The following TMPRSS15 variants were observed in gnomAD, a reference collection of about 807,000 sequenced individuals.
TMPRSS15 encodes transmembrane serine protease 15, also known as enteropeptidase.
TMPRSS15 carries 128 observed loss-of-function variants against 125.3 expected under a neutral mutation model. The observed-to-expected ratio is 1.02, with a 90% confidence interval of 0.89 to 1.18. TMPRSS15 has a LOEUF of 1.18. TMPRSS15 is among the 50% of genes most tolerant of loss of function. The pLI, the probability that TMPRSS15 is intolerant of heterozygous loss-of-function variation, is 0.00. For missense variants in TMPRSS15, 1,283 were observed against 1,212.7 expected (o/e 1.06, Z -0.86); for synonymous variants, 446 against 423.2 (o/e 1.05, Z -0.66).
chr21:18,339,378 T>TA (rs2075425058), intron 13 of TMPRSS15, among the ~76,000 whole-genome samples: 1 of 152,160 alleles, frequency 6.6e-6, no homozygotes. Context: ...TAAATACCCA[T>TA]AATTAACCTT....
intron 1 of TMPRSS15, among the ~76,000 whole-genome samples, chr21:18,467,153 A>G (rs1978681041): frequency 6.6e-6 from 1 of 152,064 alleles, no homozygotes; most frequent in African/African-American, 2.4e-5. Context: ...GCAAACTAAC[A>G]CAGGAACAGA....
intron 3 of TMPRSS15, among the ~76,000 whole-genome samples, chr21:18,393,524 C>T (rs1397155205): frequency 6.6e-6 from 1 of 152,054 alleles, no homozygotes; most frequent in East Asian, 1.9e-4. Context: ...TTTCTTTAGT[C>T]TGTGAGCATT....
At chr21:18,449,592 T>C (rs2066747610) in intron 1 of TMPRSS15, among the ~76,000 whole-genome samples, 1 of 152,184 alleles carries the variant, frequency 6.6e-6, no homozygotes, top group Non-Finnish European at 1.5e-5. Context: ...AACCTCCTTC[T>C]GTAGGCATTT....
intron 13 of TMPRSS15, among the ~76,000 whole-genome samples, chr21:18,332,406 G>A (rs562470135): frequency 7.2e-5 from 11 of 152,000 alleles, no homozygotes; most frequent in South Asian, 2.1e-4. Flanking sequence ...ATTGTTGGCC[G>A]CATGTATGTC....
intron 21 of TMPRSS15, among the ~76,000 whole-genome samples, chr21:18,282,331 T>A (rs1245902103): frequency 2.6e-5 from 4 of 152,094 alleles, no homozygotes; most frequent in Non-Finnish European, 5.9e-5. Context: ...CACAAAGGAA[T>A]TATCAGCTGG....
chr21:18,355,159 C>A lies in TMPRSS15; in HGVS notation c.881-1296G>T, dbSNP rs563315032. Among the ~76,000 whole-genome samples, 10 of 151,938 alleles carry A rather than the reference C, an allele frequency of 6.6e-5. No homozygotes were observed. The East Asian group carries it at 1.5e-3, about 24-fold the overall frequency. ...ATTTTAATACTTCTCATACTGAAAA[C>A]CTTTGGAGTTCATAAGTGTTAGTCA... On this transcript the variant is annotated intron_variant, in intron 8 of 24. Coordinates refer to ENST00000284885, the MANE Select transcript of TMPRSS15 (RefSeq NM_002772.3).
At chr21:18,352,604 A>G (rs911040811) in intron 10 of TMPRSS15, among the ~76,000 whole-genome samples, 2 of 151,972 alleles carry the variant, frequency 1.3e-5, no homozygotes, top group Non-Finnish European at 2.9e-5. Flanking sequence ...ACTCAAATCT[A>G]CTTAGTTAAT....
chr21:18,295,030 G>A (rs1172613290), intron 19 of TMPRSS15, among the ~76,000 whole-genome samples: 3 of 152,272 alleles, frequency 2.0e-5, no homozygotes, highest in African/African-American at 7.2e-5. Context: ...ATATTGTTAT[G>A]TTACTTGAAC....
At chr21:18,354,609 T>C (rs2075606074) in intron 8 of TMPRSS15, among the ~76,000 whole-genome samples, 1 of 151,592 alleles carries the variant, frequency 6.6e-6, no homozygotes, top group Non-Finnish European at 1.5e-5. Flanking sequence ...AGAAAAACAG[T>C]TTTAATTTTT....
At chr21:18,336,131 G>A (rs889186143) in intron 13 of TMPRSS15, among the ~76,000 whole-genome samples, 3 of 152,014 alleles carry the variant, frequency 2.0e-5, no homozygotes, top group Admixed American at 6.6e-5. Flanking sequence ...TCTGATGTCC[G>A]TGAAATGTGT....
At chr21:18,321,585 T>A (rs1013291493) in intron 16 of TMPRSS15, among the ~76,000 whole-genome samples, 7 of 152,038 alleles carry the variant, frequency 4.6e-5, no homozygotes, top group African/African-American at 1.4e-4. Flanking sequence ...ATCTCCTGCC[T>A]CTCGATCCGC....
chr21:18,319,631 G>A (rs2075213617), intron 16 of TMPRSS15, among the ~76,000 whole-genome samples: 1 of 152,202 alleles, frequency 6.6e-6, no homozygotes, highest in Middle Eastern at 3.4e-3. Context: ...TTTTCTCAAT[G>A]TTGGTCAGGC....
chr21:18,310,172 C>T (rs1422378609), intron 18 of TMPRSS15, among the ~76,000 whole-genome samples: 1 of 152,130 alleles, frequency 6.6e-6, no homozygotes, highest in African/African-American at 2.4e-5. Flanking sequence ...TACCTACTCT[C>T]ACCACTCTTA....
intron 24 of TMPRSS15, among the ~76,000 whole-genome samples, chr21:18,271,455 G>T (rs2074554826): frequency 1.3e-5 from 2 of 152,172 alleles, no homozygotes; most frequent in African/African-American, 4.8e-5. Flanking sequence ...GTTACTCAAG[G>T]ATCCTGCGGC....
At chr21:18,366,270 G>C (rs568375764) in intron 6 of TMPRSS15, among the ~76,000 whole-genome samples, 30 of 152,296 alleles carry the variant, frequency 2.0e-4, no homozygotes, top group African/African-American at 7.2e-4. Context: ...GTTAGTACTA[G>C]TGGCCTATAC....
At chr21:18,324,550 T>C (rs2075270672) in intron 16 of TMPRSS15, among the ~76,000 whole-genome samples, 1 of 152,180 alleles carries the variant, frequency 6.6e-6, no homozygotes, top group Non-Finnish European at 1.5e-5. Context: ...TATTGTAACG[T>C]CACTTGTGGG....
chr21:18,319,198 C>T, intron 16 of TMPRSS15, among the ~76,000 whole-genome samples: 1 of 151,958 alleles, frequency 6.6e-6, no homozygotes, highest in East Asian at 1.9e-4. Flanking sequence ...GCAATTTAGC[C>T]ATTTCTTTTA....
chr21:18,459,400 A>T (rs1978508086), intron 1 of TMPRSS15, among the ~76,000 whole-genome samples: 1 of 151,840 alleles, frequency 6.6e-6, no homozygotes, highest in South Asian at 2.1e-4. Context: ...CAGCCTCTCG[A>T]GTAGCTGGGA....
Position 18,352,942 on chromosome 21 carries a change from T to C in TMPRSS15, c.1132A>G (p.Thr378Ala). 6.2e-7 allele frequency: 1 copy of C among 1,612,420 alleles called. No individual in the cohort carries two copies. Residue 378 changes from threonine (T) to alanine (A), a missense_variant, in exon 10 of 25, where the codon ACT (threonine) becomes GCT (alanine). Transcript: ENST00000284885. ...AAAGTGTGGTCAAAATTGGGTCCAG[T>C]AAAAGGAGAAAAGGTGCTTCCCTGA... ...RIQGSTFSPF[T>A]GPNFDHTFGN...
Sources: allele counts gnomAD v4.1 joint callset (sites outside exome capture counted in the v4.1 genomes callset), GRCh38; gene constraint gnomAD v4.1.1; transcripts MANE v1.5; gene names NCBI Gene and HGNC (gene_info 2026-07-23, HGNC 2026-07-21).